The following RAP1GAP2 variants were observed in gnomAD, a reference collection of about 807,000 sequenced individuals.
RAP1GAP2 encodes rap1 GTPase-activating protein 2.
Under a neutral mutation model 95.0 loss-of-function variants are expected in RAP1GAP2, and 27 were observed. The ratio of observed to expected loss-of-function variants is 0.28; its 90% CI spans 0.21 to 0.39. RAP1GAP2 has a LOEUF of 0.39. Ranked by LOEUF, RAP1GAP2 falls within the 10% of genes least tolerant of loss-of-function variation. The pLI, the probability that RAP1GAP2 is intolerant of heterozygous loss-of-function variation, is 1.00. For missense variants in RAP1GAP2, 771 were observed against 970.0 expected (o/e 0.79, Z 2.72); for synonymous variants, 373 against 380.9 (o/e 0.98, Z 0.24).
At chr17:2,796,173 GGC>G (rs2069074855), upstream of RAP1GAP2, among the ~76,000 whole-genome samples, 1 of 152,174 alleles carries the variant, frequency 6.6e-6, no homozygotes, top group Non-Finnish European at 1.5e-5. This position sits in a 1 kb window ranked among gnomAD's most constrained non-coding sequence, Gnocchi z 4.7. Context: ...GAATCCTTGG[GGC>G]GCCTTTGGGT....
At chr17:2,894,372 G>A (rs1037118068) in intron 2 of RAP1GAP2, among the ~76,000 whole-genome samples, 4 of 152,236 alleles carry the variant, frequency 2.6e-5, no homozygotes, top group African/African-American at 9.6e-5. Flanking sequence ...GGAGCTTGCA[G>A]TGAGCCAAGA....
intron 14 of RAP1GAP2, among the ~76,000 whole-genome samples, chr17:3,001,460 A>T (rs57031858): frequency 0.017 from 1,125 of 67,884 alleles, 11 homozygotes; most frequent in African/African-American, 0.044. Context: ...AGGTCCAAGC[A>T]CCAGGCTGAA....
intron 17 of RAP1GAP2, among the ~76,000 whole-genome samples, chr17:3,014,091 C>T (rs2046667911): frequency 6.7e-6 from 1 of 150,246 alleles, no homozygotes; most frequent in Non-Finnish European, 1.5e-5. Context: ...GCTGCCAGCA[C>T]AGACCTGGAT....
At chr17:2,929,187 C>G (rs970526843) in intron 3 of RAP1GAP2, among the ~76,000 whole-genome samples, 3 of 152,146 alleles carry the variant, frequency 2.0e-5, no homozygotes, top group African/African-American at 7.2e-5. Context: ...GAACCATGAT[C>G]GCGCCACTGT....
At chr17:2,889,680 ATT>A (rs66922781) in intron 2 of RAP1GAP2, among the ~76,000 whole-genome samples, 14,965 of 108,400 alleles carry the variant, frequency 0.14, 1,089 homozygotes, top group Non-Finnish European at 0.19. Flanking sequence ...TCTGCGCTGG[ATT>A]TTTTTTTTTT....
chr17:2,813,314 A>G (rs147520430), intron 2 of RAP1GAP2, among the ~76,000 whole-genome samples: 133 of 152,136 alleles, frequency 8.7e-4, no homozygotes, highest in African/African-American at 3.1e-3. Context: ...TGACCTCGTG[A>G]TCTGCCTGCT....
chr17:2,825,505 C>T lies in RAP1GAP2; in HGVS notation c.80+24955C>T, dbSNP rs991762924. 2.0e-5 allele frequency among the ~76,000 whole-genome samples: 3 copies of T among 152,074 alleles called. No individual in the cohort carries two copies. The highest frequency in any genetic ancestry group is 6.6e-5 in the Admixed American group (1 of 15,244). Reference sequence around the variant, plus strand: ...CATCGAGCTCCTATTTGTAGCCAGCCGCCTCTGTTTTAGGAGCCGGGGATC... The same window carrying T: ...CATCGAGCTCCTATTTGTAGCCAGCTGCCTCTGTTTTAGGAGCCGGGGATC... On this transcript the variant is annotated intron_variant, in intron 2 of 24. Coordinates refer to ENST00000254695, the MANE Select transcript of RAP1GAP2 (RefSeq NM_015085.5). This position sits in a 1 kb window ranked among gnomAD's most constrained non-coding sequence, Gnocchi z 4.1.
chr17:2,980,519 G>T (rs114198563), intron 9 of RAP1GAP2, among the ~76,000 whole-genome samples, 154 bp downstream of exon 9: 62 of 152,302 alleles, frequency 4.1e-4, no homozygotes, highest in African/African-American at 1.4e-3. Context: ...ATAGGGGTCT[G>T]GGAGGGCTGT....
At chr17:2,763,231 C>T (rs1277918648) in intron 1 of RAP1GAP2, among the ~76,000 whole-genome samples, 2 of 152,156 alleles carry the variant, frequency 1.3e-5, no homozygotes, top group African/African-American at 2.4e-5. Flanking sequence ...GTTAGTTGAT[C>T]ACTGTTCTTG....
intron 1 of RAP1GAP2, among the ~76,000 whole-genome samples, chr17:2,756,589 A>T (rs895120623): frequency 6.6e-6 from 1 of 151,952 alleles, no homozygotes; most frequent in Admixed American, 6.6e-5. Context: ...ACCTCGGAGG[A>T]CTCCAAGATT....
intron 3 of RAP1GAP2, among the ~76,000 whole-genome samples, chr17:2,956,352 CAG>C (rs1233020573): frequency 6.6e-6 from 1 of 152,190 alleles, no homozygotes; most frequent in Non-Finnish European, 1.5e-5. Flanking sequence ...TTTGGCCTGA[CAG>C]AGGTTGTCTG....
At chr17:2,832,450 C>G (rs539793709) in intron 2 of RAP1GAP2, among the ~76,000 whole-genome samples, 3 of 145,492 alleles carry the variant, frequency 2.1e-5, no homozygotes, top group South Asian at 2.3e-4. Flanking sequence ...CCCAGCTACT[C>G]GGGAGGCTGA....
At chr17:2,981,526 C>A (rs1198182017) in intron 10 of RAP1GAP2, among the ~76,000 whole-genome samples, 1 of 152,154 alleles carries the variant, frequency 6.6e-6, no homozygotes, top group Non-Finnish European at 1.5e-5. Flanking sequence ...CACCACACCT[C>A]ATTGGTACCT....
chr17:2,904,786 CGCTGGTGGT>C lies in RAP1GAP2; in HGVS notation c.81-497_81-489del, dbSNP rs2042145240. On this transcript the variant is annotated intron_variant, in intron 2 of 24. Coordinates refer to ENST00000254695, the MANE Select transcript of RAP1GAP2 (RefSeq NM_015085.5). The surrounding 1 kb of genome is among the most constrained non-coding windows in gnomAD (Gnocchi z 4.7). Reference sequence around the variant, plus strand: ...GCATGTCTTTCGAGTTCCCAGGTGCCGCTGGTGGTCCAGGGACCATACTTAGAGTAGCAC... The same window carrying C: ...GCATGTCTTTCGAGTTCCCAGGTGCCCCAGGGACCATACTTAGAGTAGCAC... 1.3e-5 allele frequency among the ~76,000 whole-genome samples: 2 copies of C among 152,072 alleles called. No homozygotes were observed. Among genetic ancestry groups the C allele is most frequent in the African/African-American group, 4.8e-5 (2 of 41,390 alleles).
intron 2 of RAP1GAP2, among the ~76,000 whole-genome samples, chr17:2,841,589 A>G (rs2071376005): frequency 6.6e-6 from 1 of 152,102 alleles, no homozygotes. Flanking sequence ...TACAGGCGTG[A>G]GCCACCGTGC....
intron 3 of RAP1GAP2, among the ~76,000 whole-genome samples, chr17:2,953,808 T>C (rs1356734419): frequency 3.3e-5 from 5 of 151,986 alleles, no homozygotes; most frequent in African/African-American, 4.8e-5. Flanking sequence ...CATCGCGCCA[T>C]TGCACTCCAG....
At position 3,026,884 on chromosome 17, in the gene RAP1GAP2, C is replaced by T. The variant is rs1013547291; in HGVS notation, c.1981-60C>T. 3.9e-6 allele frequency: 6 copies of T among 1,524,772 alleles called. No homozygotes were observed. The African/African-American group carries it at 5.5e-5, about 14-fold the overall frequency. 94.5% of individuals were successfully genotyped at this position (1,524,772 alleles called of 1,614,324 possible). On this transcript the variant is annotated intron_variant, in intron 21 of 24. Transcript: ENST00000254695. ...CTGGGCTTTTGGGGGCTGCCTCAGG[C>T]CTGCGTGGGCGCAGCTGCCGAGGGT...
At position 2,871,106 on chromosome 17, in the gene RAP1GAP2, C is replaced by T. The variant is rs2072826543; in HGVS notation, c.81-34178C>T. ...AAGTAGCTGGAATTCCAGGCATGCG[C>T]CGCCACACCTGGCTAATTTTTGTAT... On this transcript the variant is annotated intron_variant, in intron 2 of 24. Coordinates refer to ENST00000254695, the MANE Select transcript of RAP1GAP2 (RefSeq NM_015085.5). This position sits in a 1 kb window ranked among gnomAD's most constrained non-coding sequence, Gnocchi z 5.0. Among the ~76,000 whole-genome samples the T allele has an allele frequency of 6.6e-6, 1 of 152,204 alleles. No individual in the cohort carries two copies. Among genetic ancestry groups the T allele is most frequent in the Non-Finnish European group, 1.5e-5 (1 of 68,034 alleles).
intron 1 of RAP1GAP2, among the ~76,000 whole-genome samples, chr17:2,783,766 C>A (rs968948408): frequency 2.0e-5 from 3 of 152,200 alleles, no homozygotes; most frequent in Non-Finnish European, 4.4e-5. Context: ...GTTTCAAGGT[C>A]TAGGGGCTGA....
Sources: allele counts gnomAD v4.1 joint callset (sites outside exome capture counted in the v4.1 genomes callset), GRCh38; gene constraint gnomAD v4.1.1; non-coding constraint Gnocchi (gnomAD v3.1); transcripts MANE v1.5; gene names NCBI Gene and HGNC (gene_info 2026-07-23, HGNC 2026-07-21).